Variants in HYAL4 observed in about 807,000 individuals in gnomAD.
The protein encoded by HYAL4 is hyaluronidase 4, also known as hyaluronidase-4.
HYAL4 carries 37 observed loss-of-function variants against 35.2 expected under a neutral mutation model. The observed-to-expected ratio is 1.05, with a 90% CI of 0.81 to 1.38. HYAL4 has a LOEUF of 1.38. HYAL4 is among the 40% of genes most tolerant of loss of function. The probability of loss-of-function intolerance (pLI) is 0.00; values close to 1 mark genes in which losing one functional copy is unlikely to be tolerated. For synonymous variants in HYAL4, 198 were observed against 203.2 expected (o/e 0.97, Z 0.22); for missense variants, 572 against 572.4 (o/e 1.00, Z 0.01).
chr7:123,803,337 C>T, the HYAL4 span, among the ~76,000 whole-genome samples: 2 of 152,100 alleles, frequency 1.3e-5, no homozygotes, highest in Non-Finnish European at 2.9e-5. Flanking sequence ...ACATCATTTG[C>T]ATGTAAAAAA....
At chr7:123,850,252 CTGT>C (rs1401334377) in intron 2 of HYAL4, among the ~76,000 whole-genome samples, 1 of 152,078 alleles carries the variant, frequency 6.6e-6, no homozygotes, top group Admixed American at 6.6e-5. Context: ...ATTTTTGTTG[CTGT>C]TGTTGAGACA....
the HYAL4 span, among the ~76,000 whole-genome samples, chr7:123,797,706 C>G: frequency 1.3e-5 from 2 of 152,184 alleles, no homozygotes; most frequent in Non-Finnish European, 2.9e-5. Flanking sequence ...AGGCACATGG[C>G]TCTTTGAAGA....
chr7:123,802,760 C>T, the HYAL4 span, among the ~76,000 whole-genome samples: 3 of 152,142 alleles, frequency 2.0e-5, no homozygotes, highest in East Asian at 5.8e-4. Context: ...CTTTCATCTG[C>T]TTATAAAAAT....
At chr7:123,808,417 ACGTGTG>A in the HYAL4 span, among the ~76,000 whole-genome samples, 2 of 111,108 alleles carry the variant, frequency 1.8e-5, no homozygotes, top group African/African-American at 7.6e-5. Flanking sequence ...ATGTATCATC[ACGTGTG>A]TGTGTGTGTG....
chr7:123,768,511 T>A, the HYAL4 span, among the ~76,000 whole-genome samples: 2 of 152,318 alleles, frequency 1.3e-5, no homozygotes, highest in African/African-American at 4.8e-5. Context: ...ATCCTCAGAC[T>A]CAGAGACTCG....
chr7:123,844,864 G>A (rs909193216), upstream of HYAL4, among the ~76,000 whole-genome samples: 4 of 152,144 alleles, frequency 2.6e-5, no homozygotes, highest in Non-Finnish European at 5.9e-5. Context: ...CTTGTCTACT[G>A]GTTGCTAAGT....
rs1807052249 is a variant in HYAL4 at position 123,877,194 on chromosome 7, T to C, written c.*39T>C. 1 of 1,553,062 alleles carries C rather than the reference T, an allele frequency of 6.4e-7. No homozygotes were observed. Among genetic ancestry groups the C allele is most frequent in the Non-Finnish European group, 8.7e-7 (1 of 1,150,594 alleles). On this transcript the variant is annotated 3_prime_UTR_variant, in exon 5 of 5. Coordinates refer to ENST00000223026, the MANE Select transcript of HYAL4 (RefSeq NM_012269.3). ...AAAGGGAATTGTGTGGCCTCTAGCC[T>C]AGTCATTTAAAGAAGGATGTAACTT...
chr7:123,767,292 A>T, the HYAL4 span, among the ~76,000 whole-genome samples: 1 of 152,188 alleles, frequency 6.6e-6, no homozygotes, highest in Non-Finnish European at 1.5e-5. Flanking sequence ...CAACAATTTA[A>T]GTGTAGTAGC....
rs547665204 is a variant in HYAL4, at chr7:123,831,573, C to G, written c.-257+2449C>G. On this transcript the variant is annotated intron_variant, in intron 1 of 4. Coordinates refer to the HYAL4 transcript ENST00000489978. Reference sequence around the variant, plus strand: ...TGTTTCTATTGTTATACATTTTATTCTATTCCATTTCCTTTGAGAATAGAA... The same window carrying G: ...TGTTTCTATTGTTATACATTTTATTGTATTCCATTTCCTTTGAGAATAGAA... 4.6e-5 allele frequency among the ~76,000 whole-genome samples: 7 copies of G among 152,288 alleles called. No homozygotes were observed. The South Asian group carries it at 1.4e-3, about 32-fold the overall frequency.
the HYAL4 span, among the ~76,000 whole-genome samples, chr7:123,771,263 T>C: frequency 6.6e-6 from 1 of 152,250 alleles, no homozygotes; most frequent in Non-Finnish European, 1.5e-5. Context: ...TCATATTTAT[T>C]GAAATTATTT....
chr7:123,807,656 G>C, the HYAL4 span, among the ~76,000 whole-genome samples: 3 of 151,452 alleles, frequency 2.0e-5, no homozygotes, highest in Non-Finnish European at 2.9e-5. Flanking sequence ...GGTTAGGCTG[G>C]TCTCGAACTC....
At chr7:123,837,935 TG>T (rs2116912556) in intron 1 of HYAL4, among the ~76,000 whole-genome samples, 1 of 152,288 alleles carries the variant, frequency 6.6e-6, no homozygotes, top group South Asian at 2.1e-4. Context: ...ACATTTGGCT[TG>T]GTTCCAAGTC....
upstream of HYAL4, among the ~76,000 whole-genome samples, chr7:123,843,405 G>A (rs1351314482): frequency 6.6e-6 from 1 of 151,934 alleles, no homozygotes; most frequent in Non-Finnish European, 1.5e-5. Flanking sequence ...TTGGTAACTC[G>A]ACCTTTCTCT....
chr7:123,862,592 G>A (rs1806598932), intron 2 of HYAL4, among the ~76,000 whole-genome samples: 1 of 152,150 alleles, frequency 6.6e-6, no homozygotes, highest in South Asian at 2.1e-4. Flanking sequence ...ACTTAGAGTT[G>A]CAATCAAAAT....
At chr7:123,838,895 C>A (rs982390078) in intron 1 of HYAL4, among the ~76,000 whole-genome samples, 1 of 151,790 alleles carries the variant, frequency 6.6e-6, no homozygotes, top group African/African-American at 2.4e-5. Flanking sequence ...GAAGTTATTT[C>A]TTCTGCTTGT....
chr7:123,794,608 A>AT, the HYAL4 span, among the ~76,000 whole-genome samples: 2 of 152,356 alleles, frequency 1.3e-5, no homozygotes, highest in South Asian at 2.1e-4. Flanking sequence ...TTCAGAGAAC[A>AT]TAAGTCCCAA....
chr7:123,800,995 G>A, the HYAL4 span, among the ~76,000 whole-genome samples: 1 of 151,600 alleles, frequency 6.6e-6, no homozygotes, highest in African/African-American at 2.4e-5. Context: ...TATTTTATTT[G>A]GTACATGAAA....
At chr7:123,828,061 T>C (rs616253), upstream of HYAL4, among the ~76,000 whole-genome samples, 21,167 of 152,102 alleles carry the variant, frequency 0.14, 1,847 homozygotes, top group African/African-American at 0.23. Context: ...TCTGTAGAAA[T>C]GTGTCCTAGA....
chr7:123,818,236 T>C, the HYAL4 span, among the ~76,000 whole-genome samples: 1 of 152,224 alleles, frequency 6.6e-6, no homozygotes, highest in African/African-American at 2.4e-5. Context: ...TGTTTATACA[T>C]AGAAATTCAT....
Sources: gnomAD v4.1 joint callset for allele counts (sites outside exome capture counted in the v4.1 genomes callset) on GRCh38, gnomAD v4.1.1 for gene constraint, MANE v1.5 for transcripts, NCBI Gene and HGNC (gene_info 2026-07-23, HGNC 2026-07-21) for gene names.